The following SEL1L2 variants were observed in gnomAD, a reference collection of about 807,000 sequenced individuals.
SEL1L2 encodes the protein SEL1L2 adaptor subunit of SYVN1 ubiquitin ligase, also known as protein sel-1 homolog 2.
In SEL1L2, 89 loss-of-function variants were observed where a neutral mutation model predicts 98.8. The ratio of observed to expected loss-of-function variants is 0.90; its 90% CI spans 0.76 to 1.07. The LOEUF is 1.07. Ranked by LOEUF, SEL1L2 falls within the 50% of genes least tolerant of loss-of-function variation. The pLI is 0.00. For synonymous variants in SEL1L2, 262 were observed against 278.5 expected, an observed-to-expected ratio of 0.94 and a Z score of 0.59; for missense variants, 788 against 812.0, an observed-to-expected ratio of 0.97 and a Z score of 0.36.
intron 11 of SEL1L2, 71 bp downstream of exon 11, chr20:13,877,449 C>T (rs748918604): frequency 3.4e-5 from 42 of 1,225,514 alleles, no homozygotes; most frequent in Non-Finnish European, 4.0e-5. Context: ...AACAGGCACA[C>T]GCTGCTATGC....
intron 1 of SEL1L2, among the ~76,000 whole-genome samples, chr20:13,958,291 A>G (rs1443156804): frequency 6.6e-6 from 1 of 152,200 alleles, no homozygotes; most frequent in South Asian, 2.1e-4. Flanking sequence ...CTACTTCTTT[A>G]AAGGATTTAA....
chr20:13,929,409 T>TTTAGGTGCCCCTAAAAAGAAC (rs1201252469), intron 3 of SEL1L2, among the ~76,000 whole-genome samples: 1 of 151,944 alleles, frequency 6.6e-6, no homozygotes, highest in Non-Finnish European at 1.5e-5. Context: ...TAAAAGGTCT[T>TTTAGGTGCCCCTAAAAAGAAC]TATCCTTTTA....
At chr20:13,865,848 TG>T (rs1990934585) in intron 15 of SEL1L2, among the ~76,000 whole-genome samples, 1 of 151,906 alleles carries the variant, frequency 6.6e-6, no homozygotes, top group Non-Finnish European at 1.5e-5. Context: ...TGTGTGTGTG[TG>T]TGTGTGTGTT....
intron 17 of SEL1L2, among the ~76,000 whole-genome samples, chr20:13,861,592 C>G (rs1411850692): frequency 6.6e-6 from 1 of 152,132 alleles, no homozygotes; most frequent in Non-Finnish European, 1.5e-5. Flanking sequence ...GATGTACAAG[C>G]ATTACCACAA....
At chr20:13,931,067 G>A (rs991144032) in intron 3 of SEL1L2, among the ~76,000 whole-genome samples, 7 of 148,398 alleles carry the variant, frequency 4.7e-5, no homozygotes, top group Non-Finnish European at 1.0e-4. Context: ...TTTTTTTGAC[G>A]GAGTCTCGCT....
At chr20:13,906,845 A>AT (rs1168850463) in intron 5 of SEL1L2, among the ~76,000 whole-genome samples, 2 of 151,816 alleles carry the variant, frequency 1.3e-5, no homozygotes, top group African/African-American at 2.4e-5. Context: ...CATCCAGCTA[A>AT]TTTTTGTATT....
At chr20:13,877,480 T>A (rs758632415) in intron 11 of SEL1L2, 40 bp downstream of exon 11, 4 of 1,510,288 alleles carry the variant, frequency 2.6e-6, no homozygotes, top group Non-Finnish European at 3.7e-6. Context: ...TTCTTAGGTT[T>A]TTAATAAATG....
At chr20:13,887,652 T>A in intron 8 of SEL1L2, 117 bp downstream of exon 8, 1 of 678,032 alleles carries the variant, frequency 1.5e-6, no homozygotes, top group South Asian at 1.9e-5. Flanking sequence ...TTATAACATA[T>A]TAAAAACGTA....
chr20:13,873,094 G>A (rs1287556561), intron 12 of SEL1L2, among the ~76,000 whole-genome samples: 2 of 150,890 alleles, frequency 1.3e-5, no homozygotes, highest in African/African-American at 2.4e-5. Flanking sequence ...GGGTTTAAGT[G>A]AGTTTCATGC....
chr20:13,882,752 A>C (rs1410676852), intron 10 of SEL1L2, among the ~76,000 whole-genome samples: 1 of 151,846 alleles, frequency 6.6e-6, no homozygotes, highest in African/African-American at 2.4e-5. Context: ...AAACCACCTA[A>C]GTTTGGGACT....
At chr20:13,934,928 A>G (rs2049379337) in intron 2 of SEL1L2, among the ~76,000 whole-genome samples, 1 of 152,160 alleles carries the variant, frequency 6.6e-6, no homozygotes, top group South Asian at 2.1e-4. Flanking sequence ...GGTATCTGGA[A>G]GAAGAGAACA....
At chr20:13,873,577 G>T (rs6033844) in intron 12 of SEL1L2, among the ~76,000 whole-genome samples, 14,194 of 151,482 alleles carry the variant, frequency 0.094, 775 homozygotes, top group African/African-American at 0.15. Flanking sequence ...GGCCAGGATG[G>T]TCTCGATCTC....
chr20:13,880,867 T>TAC (rs199571185), intron 10 of SEL1L2, among the ~76,000 whole-genome samples: 2,086 of 152,224 alleles, frequency 0.014, 47 homozygotes, highest in African/African-American at 0.047. Flanking sequence ...TAAGTAAAGT[T>TAC]TTATTATTTG....
chr20:13,918,640 C>T (rs2048514385), intron 4 of SEL1L2, among the ~76,000 whole-genome samples: 1 of 152,236 alleles, frequency 6.6e-6, no homozygotes, highest in Admixed American at 6.5e-5. Context: ...TCATAAGATA[C>T]TGTACAAACA....
At chr20:13,952,694 C>T (rs1315914304) in intron 2 of SEL1L2, among the ~76,000 whole-genome samples, 1 of 152,110 alleles carries the variant, frequency 6.6e-6, no homozygotes, top group East Asian at 1.9e-4. Flanking sequence ...CAATCTATAC[C>T]CCTTTTGAAT....
chr20:13,951,678 C>T (rs1262579166), intron 2 of SEL1L2, among the ~76,000 whole-genome samples: 1 of 95,410 alleles, frequency 1.0e-5, no homozygotes, highest in African/African-American at 3.9e-5. Context: ...TGCAAATAAT[C>T]TGTTTTGCAA....
At chr20:13,859,911 C>T (rs1279804235) in intron 17 of SEL1L2, among the ~76,000 whole-genome samples, 2 of 152,196 alleles carry the variant, frequency 1.3e-5, no homozygotes, top group Non-Finnish European at 2.9e-5. Flanking sequence ...ACCATGTTGG[C>T]CAGGCTGGTC....
chr20:13,959,843 T>G (rs1379373535), intron 1 of SEL1L2, among the ~76,000 whole-genome samples: 1 of 152,228 alleles, frequency 6.6e-6, no homozygotes, highest in Non-Finnish European at 1.5e-5. Context: ...TTATTTTAAA[T>G]TCACAGCCCA....
chr20:13,980,720 G>C (rs1201626911), intron 1 of SEL1L2, among the ~76,000 whole-genome samples: 2 of 152,128 alleles, frequency 1.3e-5, no homozygotes, highest in African/African-American at 4.8e-5. Flanking sequence ...CAATAGTCAG[G>C]ATATGGAAAC....
Sources: allele counts gnomAD v4.1 joint callset (sites outside exome capture counted in the v4.1 genomes callset), GRCh38; gene constraint gnomAD v4.1.1; transcripts MANE v1.5; gene names NCBI Gene and HGNC (gene_info 2026-07-23, HGNC 2026-07-21).